PXDNL: variants seen among roughly 807,000 people sequenced by gnomAD.
The protein encoded by PXDNL is peroxidasin like.
PXDNL carries 145 observed loss-of-function variants against 150.8 expected under a neutral mutation model. The observed-to-expected ratio is 0.96, with a 90% CI of 0.84 to 1.10. The LOEUF is 1.10. Among genes scored for constraint, PXDNL ranks in the 50% least tolerant of loss-of-function variants. The pLI, the probability that PXDNL is intolerant of heterozygous loss-of-function variation, is 0.00. For synonymous variants in PXDNL, 757 were observed against 725.7 expected (o/e 1.04, Z -0.69); for missense variants, 2,087 against 1,873.9 (o/e 1.11, Z -2.10).
intron 19 of PXDNL, among the ~76,000 whole-genome samples, chr8:51,364,623 G>C (rs751975622): frequency 2.6e-5 from 4 of 152,148 alleles, no homozygotes; most frequent in Non-Finnish European, 5.9e-5. Context: ...ACAACTTTAT[G>C]CTTTGATAGA....
intron 4 of PXDNL, among the ~76,000 whole-genome samples, chr8:51,553,688 C>T (rs1311004128): frequency 2.7e-5 from 4 of 149,978 alleles, no homozygotes; most frequent in Non-Finnish European, 5.9e-5. Context: ...TACAAATACA[C>T]ATTTAAAAGA....
chr8:51,717,726 C>A (rs1433656921), intron 1 of PXDNL, among the ~76,000 whole-genome samples: 1 of 152,190 alleles, frequency 6.6e-6, no homozygotes, highest in Admixed American at 6.5e-5. Flanking sequence ...TGAGTGGGGC[C>A]AGGATAGGCC....
At chr8:51,636,074 C>T (rs1039281447) in intron 2 of PXDNL, among the ~76,000 whole-genome samples, 1 of 151,976 alleles carries the variant, frequency 6.6e-6, no homozygotes, top group Non-Finnish European at 1.5e-5. Context: ...TGTTATGCAC[C>T]ACATTAATGG....
At chr8:51,533,698 G>C in intron 4 of PXDNL, among the ~76,000 whole-genome samples, 1 of 151,110 alleles carries the variant, frequency 6.6e-6, no homozygotes, top group Non-Finnish European at 1.5e-5. Flanking sequence ...TGTTGGCCGG[G>C]CTGGTCTCCA....
chr8:51,372,041 G>A lies in PXDNL; in HGVS notation c.3733C>T (p.Leu1245Phe). 1 of 1,607,358 alleles carries A rather than the reference G, an allele frequency of 6.2e-7. No individual in the cohort carries two copies. The change falls in exon 19 of 23, where the codon CTC becomes TTC. Residue 1245 changes from leucine to phenylalanine, a missense_variant. Transcript: ENST00000356297. ...AGGGACGCCTGCTTCAGCTGAGTGA[G>A]TTGTGCCGGGGTAAATACTCCAGGG... ...ENPGVFTPAQLTQLKQASLSR... is the reference protein window; with the variant it reads ...ENPGVFTPAQFTQLKQASLSR...
At chr8:51,760,925 C>CT (rs1374457034) in intron 1 of PXDNL, among the ~76,000 whole-genome samples, 2 of 128,520 alleles carry the variant, frequency 1.6e-5, no homozygotes, top group East Asian at 5.0e-4. Flanking sequence ...GTGGCGCGAT[C>CT]TCAGCTCACT....
At chr8:51,791,540 C>A (rs1269088424) in intron 1 of PXDNL, among the ~76,000 whole-genome samples, 2 of 152,206 alleles carry the variant, frequency 1.3e-5, no homozygotes, top group African/African-American at 2.4e-5. Context: ...ACCATGTCAT[C>A]CAGGTGACTT....
chr8:51,472,142 G>T, intron 8 of PXDNL, 45 bp downstream of exon 8: 1 of 1,249,038 alleles, frequency 8.0e-7, no homozygotes, highest in Non-Finnish European at 1.2e-6. Context: ...AAGATTGCTG[G>T]AATCAGAAGG....
intron 1 of PXDNL, among the ~76,000 whole-genome samples, chr8:51,684,384 C>G (rs1815825874): frequency 6.6e-6 from 1 of 152,174 alleles, no homozygotes; most frequent in Non-Finnish European, 1.5e-5. Flanking sequence ...GGATAGCCCC[C>G]AAGATTCCCA....
intron 12 of PXDNL, among the ~76,000 whole-genome samples, chr8:51,434,279 G>A (rs777950398): frequency 1.3e-5 from 2 of 152,134 alleles, no homozygotes; most frequent in African/African-American, 2.4e-5. Flanking sequence ...TAAGTGATTT[G>A]CCTTTTTTCT....
chr8:51,578,003 A>AAG (rs1563471215), intron 3 of PXDNL, among the ~76,000 whole-genome samples: 74 of 62,768 alleles, frequency 1.2e-3, no homozygotes, highest in Non-Finnish European at 1.2e-3. Flanking sequence ...AAGAAAGAGG[A>AAG]AGGAAGGAAG....
chr8:51,436,915 G>C (rs1809420614), intron 12 of PXDNL, among the ~76,000 whole-genome samples: 1 of 152,068 alleles, frequency 6.6e-6, no homozygotes. Context: ...TGAAAAAAAA[G>C]CTGGTTCTTT....
chr8:51,571,276 C>A (rs1374793556), intron 3 of PXDNL, among the ~76,000 whole-genome samples: 1 of 151,782 alleles, frequency 6.6e-6, no homozygotes, highest in East Asian at 1.9e-4. Context: ...GACATTTATT[C>A]ATTTTGGAAA....
chr8:51,800,551 G>T (rs1028848436), intron 1 of PXDNL, among the ~76,000 whole-genome samples: 5 of 152,232 alleles, frequency 3.3e-5, no homozygotes, highest in African/African-American at 4.8e-5. Flanking sequence ...TTCCTGGCAG[G>T]AAGAACTGTT....
intron 3 of PXDNL, among the ~76,000 whole-genome samples, chr8:51,562,701 G>A (rs1421585853): frequency 6.6e-6 from 1 of 151,962 alleles, no homozygotes; most frequent in Non-Finnish European, 1.5e-5. Flanking sequence ...GTAGGTGTGA[G>A]AATAGAGTCT....
At chr8:51,603,949 T>G (rs1813783309) in intron 2 of PXDNL, among the ~76,000 whole-genome samples, 1 of 152,104 alleles carries the variant, frequency 6.6e-6, no homozygotes, top group African/African-American at 2.4e-5. Context: ...TCATAAGCAG[T>G]ACTAAAGATA....
chr8:51,639,224 C>T (rs1814682812), intron 2 of PXDNL, among the ~76,000 whole-genome samples: 1 of 152,144 alleles, frequency 6.6e-6, no homozygotes, highest in Admixed American at 6.5e-5. Context: ...AAATTTATAG[C>T]ACTAAATGCC....
intron 1 of PXDNL, among the ~76,000 whole-genome samples, chr8:51,714,397 G>A (rs548757262): frequency 5.6e-4 from 85 of 152,222 alleles, no homozygotes; most frequent in Admixed American, 2.2e-3. Context: ...CCACTATACT[G>A]TTGGCCATAT....
chr8:51,735,558 T>TGTTC (rs1246815533), intron 1 of PXDNL, among the ~76,000 whole-genome samples: 1 of 124,948 alleles, frequency 8.0e-6, no homozygotes. Context: ...TTTTTTTTTT[T>TGTTC]TTTTTTGAGA....
Sources: gnomAD v4.1 joint callset for allele counts (sites outside exome capture counted in the v4.1 genomes callset) on GRCh38, gnomAD v4.1.1 for gene constraint, MANE v1.5 for transcripts, NCBI Gene and HGNC (gene_info 2026-07-23, HGNC 2026-07-21) for gene names.